Variants in PRKN observed in about 807,000 individuals in gnomAD.
PRKN encodes E3 ubiquitin-protein ligase parkin.
In PRKN, 56 loss-of-function variants were observed where a neutral mutation model predicts 59.5. The observed-to-expected ratio is 0.94, with a 90% CI of 0.76 to 1.18. The LOEUF (loss-of-function observed/expected upper bound fraction) is 1.18, where lower values mean the gene tolerates loss of function less well. PRKN is among the 50% of genes most tolerant of loss of function. The probability of loss-of-function intolerance (pLI) is 0.00; values close to 1 mark genes in which losing one functional copy is unlikely to be tolerated. For synonymous variants in PRKN, 250 were observed against 222.1 expected (o/e 1.13, Z -1.12); for missense variants, 657 against 596.4 (o/e 1.10, Z -1.06).
chr6:161,899,845 G>A (rs138043833), intron 6 of PRKN, among the ~76,000 whole-genome samples: 1,941 of 152,252 alleles, frequency 0.013, 49 homozygotes, highest in African/African-American at 0.045. Flanking sequence ...CAACCGGGCC[G>A]GGCCAGGCGG....
intron 1 of PRKN, among the ~76,000 whole-genome samples, chr6:162,513,455 C>T (rs1777713605): frequency 7.3e-6 from 1 of 136,872 alleles, no homozygotes; most frequent in Non-Finnish European, 1.6e-5. Flanking sequence ...GCCTGGGCAA[C>T]AGAGTGAGAT....
chr6:162,669,016 C>T (rs999388361), intron 1 of PRKN, among the ~76,000 whole-genome samples: 10 of 152,044 alleles, frequency 6.6e-5, no homozygotes, highest in African/African-American at 2.2e-4. Flanking sequence ...AGTACCAAGA[C>T]CTAGAGAGGT....
rs183129568 is a variant in PRKN at position 162,583,001 on chromosome 6, G to A, written c.8-139528C>T. Reference sequence around the variant, plus strand: ...TAGGACTTTTAGGAGGAGATAGGGCGATAATCCCCAAGCGGATGGGATTAA... The same window carrying A: ...TAGGACTTTTAGGAGGAGATAGGGCAATAATCCCCAAGCGGATGGGATTAA... On this transcript the variant is annotated intron_variant, in intron 1 of 11. Transcript: ENST00000366898. Among the ~76,000 whole-genome samples the A allele has an allele frequency of 5.3e-4, 80 of 152,278 alleles. No homozygotes were observed. The East Asian group carries it at 0.01, about 20-fold the overall frequency.
intron 5 of PRKN, among the ~76,000 whole-genome samples, chr6:162,045,762 G>T (rs146929299): frequency 6.6e-6 from 1 of 152,182 alleles, no homozygotes; most frequent in Non-Finnish European, 1.5e-5. Flanking sequence ...AGGACTAGGA[G>T]GGCTGTTTCC....
rs914200948 is a variant in PRKN at position 161,470,763 on chromosome 6, G to A, written c.1083+78091C>T. Among the ~76,000 whole-genome samples the A allele has an allele frequency of 6.6e-6, 1 of 152,210 alleles. No individual in the cohort carries two copies. Among genetic ancestry groups the A allele is most frequent in the African/African-American group, 2.4e-5 (1 of 41,456 alleles). On this transcript the variant is annotated intron_variant, in intron 9 of 11. Coordinates refer to ENST00000366898, the MANE Select transcript of PRKN (RefSeq NM_004562.3). The surrounding 1 kb of genome is among the most constrained non-coding windows in gnomAD (Gnocchi z 5.1). The stretch of plus-strand genomic sequence containing the variant: ...CCTTCTGAGAGTGGACTGTTCCAGT[G>A]ATGTGCCTACCCTGAGCCCGAAGGC...
rs1789304090 is a variant in PRKN, at chr6:161,442,837, A to G, written c.1084-55960T>C. The stretch of plus-strand genomic sequence containing the variant: ...TTTCATTTTGGACATCGTAACAACT[A>G]AACATAACATTTATATCACTATCTG... On this transcript the variant is annotated intron_variant, in intron 9 of 11. Transcript: ENST00000366898. This position sits in a 1 kb window ranked among gnomAD's most constrained non-coding sequence, Gnocchi z 4.6. 6.6e-6 allele frequency among the ~76,000 whole-genome samples: 1 copy of G among 152,222 alleles called. No homozygotes were observed. The highest frequency in any genetic ancestry group is 2.4e-5 in the African/African-American group (1 of 41,450).
rs185370725 is a variant in PRKN at position 161,391,817 on chromosome 6, G to A, written c.1084-4940C>T. Among the ~76,000 whole-genome samples the A allele has an allele frequency of 1.1e-3, 164 of 152,110 alleles. 2 individuals carry two copies. Among genetic ancestry groups the A allele is most frequent in the African/African-American group, 3.6e-3 (150 of 41,476 alleles). ...AGAGATTTCACCTGTGGACAGCAGC[G>A]TCAGGCTGTGCTCAAGAGTTCCAGC... On this transcript the variant is annotated intron_variant, in intron 9 of 11. Transcript: ENST00000366898. The surrounding 1 kb of genome is among the most constrained non-coding windows in gnomAD (Gnocchi z 4.9).
chr6:162,672,218 G>T (rs988002651), intron 1 of PRKN, among the ~76,000 whole-genome samples: 4 of 152,158 alleles, frequency 2.6e-5, no homozygotes, highest in Middle Eastern at 3.4e-3. Flanking sequence ...AGAAAAATAT[G>T]ACTTAAAAAT....
At chr6:162,638,300 A>G (rs1777819528) in intron 1 of PRKN, among the ~76,000 whole-genome samples, 1 of 152,030 alleles carries the variant, frequency 6.6e-6, no homozygotes, top group Non-Finnish European at 1.5e-5. Flanking sequence ...TAAGCCTAAG[A>G]GTTTTTTTCC....
rs1254198043 is a variant in PRKN at position 162,560,184 on chromosome 6, A to G, written c.8-116711T>C. 5.9e-5 allele frequency among the ~76,000 whole-genome samples: 9 copies of G among 152,242 alleles called. 1 individual carries two copies. The East Asian group carries it at 1.5e-3, about 26-fold the overall frequency. On this transcript the variant is annotated intron_variant, in intron 1 of 11. Coordinates refer to ENST00000366898, the MANE Select transcript of PRKN (RefSeq NM_004562.3). ...TAGGTTTCAAAGACAGCATTTCATT[A>G]AGGTGATTTCATTCAGATACAACTA...
At chr6:162,228,105 C>G (rs148504400) in intron 3 of PRKN, among the ~76,000 whole-genome samples, 1 of 152,086 alleles carries the variant, frequency 6.6e-6, no homozygotes, top group Non-Finnish European at 1.5e-5. Context: ...ATTCAAGGAC[C>G]TGGGCATAAA....
chr6:161,479,030 G>A (rs1458610322), intron 9 of PRKN, among the ~76,000 whole-genome samples: 3 of 152,114 alleles, frequency 2.0e-5, no homozygotes, highest in Non-Finnish European at 2.9e-5. Context: ...GTAACAATTT[G>A]GATGAAAGAA....
Position 162,645,648 on chromosome 6 carries a change from G to A in PRKN, c.7+82014C>T, listed in dbSNP as rs540777830. On this transcript the variant is annotated intron_variant, in intron 1 of 11. Coordinates refer to ENST00000366898, the MANE Select transcript of PRKN (RefSeq NM_004562.3). ...GTGCTTTTTGAAATACTCAAAAATTGTCTTTTGAAAACTAAATTGTGCTTT... is the reference window on the plus strand; with the variant it reads ...GTGCTTTTTGAAATACTCAAAAATTATCTTTTGAAAACTAAATTGTGCTTT... Among the ~76,000 whole-genome samples the A allele has an allele frequency of 1.1e-4, 17 of 152,170 alleles. No individual in the cohort carries two copies. In the South Asian group the frequency reaches 1.9e-3, roughly 17 times the overall value.
At chr6:162,565,399 T>G (rs575589862) in intron 1 of PRKN, among the ~76,000 whole-genome samples, 1 of 152,064 alleles carries the variant, frequency 6.6e-6, no homozygotes, top group African/African-American at 2.4e-5. Context: ...AATAATAACA[T>G]TGGCCGGGAG....
chr6:162,585,975 G>A (rs1004665474), intron 1 of PRKN, among the ~76,000 whole-genome samples: 1 of 152,108 alleles, frequency 6.6e-6, no homozygotes. Flanking sequence ...AAAGTGATGG[G>A]ATTACAGGCA....
At chr6:161,586,603 GA>G (rs1427252374) in intron 7 of PRKN, among the ~76,000 whole-genome samples, 3 of 151,310 alleles carry the variant, frequency 2.0e-5, no homozygotes, top group Non-Finnish European at 3.0e-5. Context: ...TATTTCCACT[GA>G]AAAAAAAATT....
intron 4 of PRKN, among the ~76,000 whole-genome samples, chr6:162,166,559 T>G (rs1021803167): frequency 6.6e-6 from 1 of 152,214 alleles, no homozygotes; most frequent in Non-Finnish European, 1.5e-5. Context: ...TGAACTTGTT[T>G]GTCATGGTGT....
At position 161,552,333 on chromosome 6, in the gene PRKN, T is replaced by C. The variant is rs187000583; in HGVS notation, c.934-3330A>G. ...CCTCAGCTCTGTTCACCTCCGCCTA[T>C]GACTGTGAATGATCTCACGGTGATC... is the stretch of plus-strand genomic sequence containing the variant. On this transcript the variant is annotated intron_variant, in intron 8 of 11. Transcript: ENST00000366898. This position sits in a 1 kb window ranked among gnomAD's most constrained non-coding sequence, Gnocchi z 4.9. 4.1e-5 allele frequency among the ~76,000 whole-genome samples: 6 copies of C among 146,004 alleles called. No individual in the cohort carries two copies. Among genetic ancestry groups the C allele is most frequent in the Admixed American group, 3.4e-4 (5 of 14,916 alleles).
rs1341054041 is a variant in PRKN, at chr6:162,056,116, A to C, written c.535-1942T>G. Reference sequence around the variant, plus strand: ...TCACACACCCCACACACATATACCCACATGCATGCACGCACACCAAGACAC... The same window carrying C: ...TCACACACCCCACACACATATACCCCCATGCATGCACGCACACCAAGACAC... On this transcript the variant is annotated intron_variant, in intron 4 of 11. Transcript: ENST00000366898. The surrounding 1 kb of genome is among the most constrained non-coding windows in gnomAD (Gnocchi z 4.9). Among the ~76,000 whole-genome samples, 1 of 150,070 alleles carries C rather than the reference A, an allele frequency of 6.7e-6. No homozygotes were observed. Among genetic ancestry groups the C allele is most frequent in the Non-Finnish European group, 1.5e-5 (1 of 67,468 alleles).
Sources: allele counts gnomAD v4.1 joint callset (sites outside exome capture counted in the v4.1 genomes callset), GRCh38; gene constraint gnomAD v4.1.1; non-coding constraint Gnocchi (gnomAD v3.1); transcripts MANE v1.5; gene names NCBI Gene and HGNC (gene_info 2026-07-23, HGNC 2026-07-21).